UGT1A8: variants seen among roughly 807,000 people sequenced by gnomAD.
The protein encoded by UGT1A8 is UDP glucuronosyltransferase family 1 member A8, also known as UDP-glucuronosyltransferase 1A8.
Under a neutral mutation model 45.3 loss-of-function variants are expected in UGT1A8, and 39 were observed. The ratio of observed to expected loss-of-function variants is 0.86; its 90% CI spans 0.67 to 1.12. UGT1A8 has a LOEUF of 1.12. UGT1A8 is among the 50% of genes most tolerant of loss of function. The pLI, the probability that UGT1A8 is intolerant of heterozygous loss-of-function variation, is 0.00. For missense variants in UGT1A8, 719 were observed against 664.9 expected, an observed-to-expected ratio of 1.08 and a Z score of -0.90; for synonymous variants, 275 against 249.2, an observed-to-expected ratio of 1.10 and a Z score of -0.97.
Position 233,769,698 on chromosome 2 carries a change from G to A in UGT1A8, c.1295+1259G>A. The A allele has an allele frequency of 6.5e-7, 1 of 1,529,982 alleles. No individual in the cohort carries two copies. Among genetic ancestry groups the A allele is most frequent in the Non-Finnish European group, 8.8e-7 (1 of 1,137,522 alleles). 94.8% of individuals were successfully genotyped at this position (1,529,982 alleles called of 1,614,324 possible). On this transcript the variant is annotated intron_variant, in intron 4 of 4. Coordinates refer to ENST00000373450, the MANE Select transcript of UGT1A8 (RefSeq NM_019076.5). The surrounding 1 kb of genome is among the most constrained non-coding windows in gnomAD (Gnocchi z 4.4). ...GTGTGTGTGGTGGCACTGGATAAAAGATCAATGTTGGCTAGGCACCATGGC... is the reference window on the plus strand; with the variant it reads ...GTGTGTGTGGTGGCACTGGATAAAAAATCAATGTTGGCTAGGCACCATGGC...
chr2:233,636,664 C>T (rs201842465), intron 1 of UGT1A8: 47 of 1,613,922 alleles, frequency 2.9e-5, no homozygotes, highest in Non-Finnish European at 3.6e-5. Flanking sequence ...GGTGGAGAAA[C>T]TTATCCTCAG....
At chr2:233,763,919 C>T (rs748972276) in intron 1 of UGT1A8, among the ~76,000 whole-genome samples, 11 of 152,168 alleles carry the variant, frequency 7.2e-5, no homozygotes, top group African/African-American at 2.4e-4. Context: ...ACCAAGGCTT[C>T]GAGATGGCCA....
intron 1 of UGT1A8, among the ~76,000 whole-genome samples, chr2:233,641,875 G>GA (rs1256101184): frequency 1.3e-5 from 2 of 152,176 alleles, no homozygotes; most frequent in African/African-American, 4.8e-5. Context: ...GCTGCTGCCA[G>GA]ATGTATTGGA....
chr2:233,652,595 C>T (rs541648162), intron 1 of UGT1A8, among the ~76,000 whole-genome samples: 1 of 152,212 alleles, frequency 6.6e-6, no homozygotes, highest in South Asian at 2.1e-4. Context: ...AATGAAATTT[C>T]CCCTAATTGT....
Position 233,769,806 on chromosome 2 carries a change from G to T in UGT1A8, c.1295+1367G>T. The T allele has an allele frequency of 9.4e-7, 1 of 1,067,140 alleles. No homozygotes were observed. The highest frequency in any genetic ancestry group is 1.3e-6 in the Non-Finnish European group (1 of 792,912). The allele number at this position is 1,067,140 out of a possible 1,614,324, so 66.1% of individuals were successfully genotyped here. On this transcript the variant is annotated intron_variant, in intron 4 of 4. Transcript: ENST00000373450. The surrounding 1 kb of genome is among the most constrained non-coding windows in gnomAD (Gnocchi z 4.4). ...GAAGTTGGAGGCTGCTATGAGCCGT[G>T]ATCATGCCACTGCACTCCAGCAACC...
rs571873235 is a variant in UGT1A8, at chr2:233,755,171, G to C, written c.856-11863G>C. On this transcript the variant is annotated intron_variant, in intron 1 of 4. Transcript: ENST00000373450. ...CTTCCTCCCTGTCCTCGGGGTTTTT[G>C]TCGGGGTGCCACTTGAGCGCCAGCT... 3.0e-4 allele frequency: 375 copies of C among 1,256,390 alleles called. 6 individuals carry two copies. In the South Asian group the frequency reaches 4.2e-3, roughly 14 times the overall value. The allele number at this position is 1,256,390 out of a possible 1,614,324, so 77.8% of individuals were successfully genotyped here.
intron 1 of UGT1A8, among the ~76,000 whole-genome samples, chr2:233,735,334 C>G (rs2078639542): frequency 6.6e-6 from 1 of 152,026 alleles, no homozygotes; most frequent in South Asian, 2.1e-4. Flanking sequence ...ATTGCAACCC[C>G]TGCTTTTTTT....
At position 233,618,455 on chromosome 2, in the gene UGT1A8, A is replaced by C; in HGVS notation, c.748A>C (p.Ile250Leu). The C allele has an allele frequency of 6.2e-7, 1 of 1,613,846 alleles. No homozygotes were observed. Among genetic ancestry groups the C allele is most frequent in the Non-Finnish European group, 8.5e-7 (1 of 1,179,808 alleles). ...ATATGATCTCTACAGCCACACATCA[A>C]TTTGGTTGTTGCGAACAGACTTTGT... Reference protein sequence around the residue: ...TAYDLYSHTSIWLLRTDFVLD... With the variant: ...TAYDLYSHTSLWLLRTDFVLD... The change falls in exon 1 of 5, where the codon ATT becomes CTT. Residue 250 changes from isoleucine (I) to leucine (L), a missense_variant. Physicochemically the swap from Ile to Leu is conservative, Grantham distance 5 (BLOSUM62 2). Transcript: ENST00000373450.
chr2:233,618,316 C>A lies in UGT1A8; in HGVS notation c.609C>A (p.Phe203Leu), dbSNP rs2072940998. The A allele has an allele frequency of 5.6e-6, 9 of 1,613,926 alleles. No homozygotes were observed. Among genetic ancestry groups the A allele is most frequent in the Non-Finnish European group, 6.8e-6 (8 of 1,179,856 alleles). Residue 203 changes from phenylalanine (F) to leucine (L), a missense_variant, in exon 1 of 5, where the codon TTC becomes TTA. Phe to Leu is a conservative substitution (Grantham distance 22). Coordinates refer to ENST00000373450, the MANE Select transcript of UGT1A8 (RefSeq NM_019076.5). ...ILLGFSDAMT[F>L]KERVRNHIMH... ...TAGGGTTCTCAGATGCCATGACTTT[C>A]AAGGAGAGAGTACGGAACCACATCA...
intron 1 of UGT1A8, among the ~76,000 whole-genome samples, chr2:233,660,984 G>A (rs1283950688): frequency 1.3e-5 from 2 of 151,944 alleles, no homozygotes; most frequent in African/African-American, 4.8e-5. Context: ...TTAGCTTTAT[G>A]TTGTCATATA....
intron 1 of UGT1A8, among the ~76,000 whole-genome samples, chr2:233,645,348 C>A (rs1042232784): frequency 6.6e-6 from 1 of 152,148 alleles, no homozygotes; most frequent in African/African-American, 2.4e-5. Flanking sequence ...TGATTCCACC[C>A]TGGTCCCTCC....
rs140853103 is a variant in UGT1A8 at position 233,683,961 on chromosome 2, G to A, written c.855+65399G>A. On this transcript the variant is annotated intron_variant, in intron 1 of 4. Transcript: ENST00000373450. ...TGTTGGTCTAGCCAGCTTAAATTAG[G>A]ATTTGGTCACTTGCAATTGAAAAAG... Among the ~76,000 whole-genome samples the A allele has an allele frequency of 1.4e-4, 21 of 152,256 alleles. No homozygotes were observed. The South Asian group carries it at 3.1e-3, about 23-fold the overall frequency.
intron 1 of UGT1A8, among the ~76,000 whole-genome samples, chr2:233,757,242 G>C (rs889678436): frequency 2.7e-5 from 4 of 149,670 alleles, no homozygotes; most frequent in African/African-American, 9.9e-5. Flanking sequence ...GTGGTGGTGA[G>C]GTGGGGTTAT....
intron 1 of UGT1A8, chr2:233,713,808 A>T: frequency 6.2e-7 from 1 of 1,614,048 alleles, no homozygotes; most frequent in African/African-American, 1.3e-5. Flanking sequence ...CATGCCCAAC[A>T]TGGTCTTCAT....
intron 1 of UGT1A8, among the ~76,000 whole-genome samples, chr2:233,725,885 A>G (rs2077481467): frequency 6.6e-6 from 1 of 152,174 alleles, no homozygotes; most frequent in Admixed American, 6.5e-5. Flanking sequence ...AATGATTTGT[A>G]GGCAGGTGGG....
At chr2:233,743,583 A>C (rs1360653487) in intron 1 of UGT1A8, 5 of 1,367,304 alleles carry the variant, frequency 3.7e-6, no homozygotes, top group Non-Finnish European at 4.9e-6. Context: ...AAGAGGTCAA[A>C]GGAGAATGGG....
At chr2:233,665,295 T>C (rs2074050321) in intron 1 of UGT1A8, among the ~76,000 whole-genome samples, 1 of 152,250 alleles carries the variant, frequency 6.6e-6, no homozygotes. Context: ...TTAGGCATTT[T>C]CCAAATTTGT....
chr2:233,660,825 C>T (rs996319227), intron 1 of UGT1A8, among the ~76,000 whole-genome samples: 7 of 152,118 alleles, frequency 4.6e-5, no homozygotes, highest in Admixed American at 2.0e-4. Context: ...TGCTTCTCTT[C>T]ATGGGGTCTG....
intron 1 of UGT1A8, among the ~76,000 whole-genome samples, chr2:233,666,465 G>T (rs967108995): frequency 6.6e-6 from 1 of 152,012 alleles, no homozygotes; most frequent in Admixed American, 6.6e-5. Flanking sequence ...GTCTTTACAT[G>T]TGCCTGTTTG....
Sources: gnomAD v4.1 joint callset for allele counts (sites outside exome capture counted in the v4.1 genomes callset) on GRCh38, gnomAD v4.1.1 for gene constraint, Gnocchi (gnomAD v3.1) non-coding constraint, MANE v1.5 for transcripts, NCBI Gene and HGNC (gene_info 2026-07-23, HGNC 2026-07-21) for gene names.